Variants in THBS2 observed in about 807,000 individuals in gnomAD.
THBS2 encodes thrombospondin 2.
In THBS2, 47 loss-of-function variants were observed where a neutral mutation model predicts 135.2. That is an observed-to-expected ratio of 0.35 (90% CI 0.28 to 0.44). The LOEUF is 0.44. Ranked by LOEUF, THBS2 falls within the 20% of genes least tolerant of loss-of-function variation. The probability of loss-of-function intolerance (pLI) is 1.00; values close to 1 mark genes in which losing one functional copy is unlikely to be tolerated. For missense variants in THBS2, 1,288 were observed against 1,603.1 expected (o/e 0.80, Z 3.36); for synonymous variants, 639 against 633.8 (o/e 1.01, Z -0.12).
intron 9 of THBS2, among the ~76,000 whole-genome samples, chr6:169,235,153 C>T (rs1447278814): frequency 6.6e-6 from 1 of 152,092 alleles, no homozygotes; most frequent in African/African-American, 2.4e-5. Flanking sequence ...ATCTCTTGGC[C>T]TCCAGAAGAC....
At chr6:169,225,748 A>G (rs115691926) in intron 16 of THBS2, among the ~76,000 whole-genome samples, 2,564 of 152,312 alleles carry the variant, frequency 0.017, 73 homozygotes, top group African/African-American at 0.06. Flanking sequence ...CTGCATCAAG[A>G]TAACTGTCCT....
intron 3 of THBS2, among the ~76,000 whole-genome samples, chr6:169,248,155 GTGTT>G (rs1219858119): frequency 1.3e-5 from 2 of 151,690 alleles, no homozygotes; most frequent in Non-Finnish European, 2.9e-5. Flanking sequence ...GTGTGTTCAT[GTGTT>G]TGTGAGCATG....
At position 169,248,330 on chromosome 6, in the gene THBS2, A is replaced by T. The variant is rs2115034212; in HGVS notation, c.609+87T>A. 2.8e-6 allele frequency: 4 copies of T among 1,448,532 alleles called. No individual in the cohort carries two copies. The South Asian group carries it at 5.2e-5, about 19-fold the overall frequency. 89.7% of individuals were successfully genotyped at this position (1,448,532 alleles called of 1,614,324 possible). A position where few individuals can be genotyped will look rare whatever the true frequency, so the allele number is the denominator to read the frequency against. ...TCTAAGGCCAGGCTCTGCCTGCTCA[A>T]GCATCGCATCACCAGACGCATTAGC... On this transcript the variant is annotated intron_variant, in intron 3 of 21. Transcript: ENST00000617924.
chr6:169,235,117 C>T (rs1468006586), intron 9 of THBS2, among the ~76,000 whole-genome samples: 3 of 152,150 alleles, frequency 2.0e-5, no homozygotes, highest in Non-Finnish European at 4.4e-5. Context: ...GACTCAGAAG[C>T]CAGTGTTTCC....
chr6:169,236,526 CCA>C (rs1187630162), intron 9 of THBS2, among the ~76,000 whole-genome samples: 30 of 145,162 alleles, frequency 2.1e-4, no homozygotes, highest in Admixed American at 1.3e-3. Flanking sequence ...CACTCCCCAT[CCA>C]CACTCATTCC....
At chr6:169,233,316 G>C (rs1471073483) in intron 10 of THBS2, among the ~76,000 whole-genome samples, 8 of 150,694 alleles carry the variant, frequency 5.3e-5, no homozygotes, top group Non-Finnish European at 1.0e-4. Context: ...TACGCACCAG[G>C]TTCCACAACA....
intron 21 of THBS2, among the ~76,000 whole-genome samples, chr6:169,219,362 G>A (rs957963688): frequency 3.1e-5 from 4 of 130,484 alleles, no homozygotes; most frequent in African/African-American, 1.2e-4. Flanking sequence ...ATGGTTGGGT[G>A]AATGGATGAG....
At chr6:169,249,934 G>A (rs1293622617) in intron 2 of THBS2, among the ~76,000 whole-genome samples, 1 of 152,024 alleles carries the variant, frequency 6.6e-6, no homozygotes, top group Admixed American at 6.6e-5. Flanking sequence ...GGAGGCTGAG[G>A]CAGGAGAATG....
chr6:169,235,631 G>A (rs1039995521), intron 9 of THBS2, among the ~76,000 whole-genome samples: 2 of 151,826 alleles, frequency 1.3e-5, no homozygotes, highest in African/African-American at 2.4e-5. Context: ...GTGCATCTGC[G>A]GCATCCTCTG....
At chr6:169,246,585 G>T (rs1038969347) in intron 3 of THBS2, among the ~76,000 whole-genome samples, 2 of 152,182 alleles carry the variant, frequency 1.3e-5, no homozygotes, top group Non-Finnish European at 2.9e-5. Context: ...GTGTGTTCTG[G>T]GCATGTTCCC....
intron 21 of THBS2, among the ~76,000 whole-genome samples, chr6:169,218,795 G>GGACGA (rs1779299921): frequency 6.9e-6 from 1 of 145,864 alleles, no homozygotes; most frequent in African/African-American, 2.6e-5. Flanking sequence ...GTGGGTTGGT[G>GGACGA]GATGAGATGG....
chr6:169,220,268 G>A lies in THBS2; in HGVS notation c.3441C>T (p.Gly1147=), dbSNP rs59953407. ...AGAAGACAAATAGACCCAGCCGCCC[G>A]CCAGCGTAGGTTTGGTCATAGATAG... is the stretch of plus-strand genomic sequence containing the variant. ...SGPIYDQTYA[G]GRLGLFVFSQ... is the part of the protein sequence containing the mutation. The change falls in exon 21 of 22, where the codon GGC becomes GGT. Residue 1147 remains glycine, a synonymous_variant. Coordinates refer to ENST00000617924, the MANE Select transcript of THBS2 (RefSeq NM_003247.5). 7,058 of 1,613,866 alleles carry A rather than the reference G, an allele frequency of 4.4e-3. 281 individuals are homozygous for A. In the African/African-American group the frequency reaches 0.083, roughly 19 times the overall value.
chr6:169,225,041 T>C, intron 17 of THBS2, 104 bp downstream of exon 17: 2 of 1,171,774 alleles, frequency 1.7e-6, no homozygotes, highest in Non-Finnish European at 2.5e-6. Flanking sequence ...TTGCCCTTTT[T>C]CCAGCAGCAG....
intron 4 of THBS2, among the ~76,000 whole-genome samples, chr6:169,245,817 T>G (rs929542692): frequency 2.6e-5 from 4 of 151,158 alleles, no homozygotes; most frequent in Admixed American, 1.3e-4. Context: ...AAAGAAAACT[T>G]CTGTAAGTCA....
intron 6 of THBS2, among the ~76,000 whole-genome samples, 177 bp downstream of exon 6, chr6:169,240,275 T>A (rs1780242746): frequency 6.6e-6 from 1 of 152,214 alleles, no homozygotes; most frequent in South Asian, 2.1e-4. Flanking sequence ...ACAAAGAGGT[T>A]GATTCAAGTC....
In THBS2 at chr6:169,225,352, C is replaced by A. The variant is rs763411849; in HGVS notation, c.2566G>T (p.Asp856Tyr). 8.3e-6 allele frequency: 13 copies of A among 1,559,004 alleles called. No homozygotes were observed. Among genetic ancestry groups the A allele is most frequent in the Admixed American group, 7.8e-5 (4 of 51,412 alleles). Residue 856 changes from aspartate (D) to tyrosine (Y), a missense_variant, in exon 17 of 22, where the codon GAC becomes TAC. By Grantham distance (160) the Asp-to-Tyr change is radical (BLOSUM62 -3). Coordinates refer to ENST00000617924, the MANE Select transcript of THBS2 (RefSeq NM_003247.5). Reference sequence around the variant, plus strand: ...ATGTCCTCGTTGTTGTCACACTGGTCCCCAACAAGGTCATTGTCCACGTCG... The same window carrying A: ...ATGTCCTCGTTGTTGTCACACTGGTACCCAACAAGGTCATTGTCCACGTCG... ...QTDVDNDLVG[D>Y]QCDNNEDIDD...
chr6:169,239,526 C>A (rs766134784), intron 7 of THBS2, 73 bp downstream of exon 7: 72 of 1,429,720 alleles, frequency 5.0e-5, no homozygotes, highest in Non-Finnish European at 6.8e-5. Context: ...CAAAACCAAC[C>A]AATGAATAAA....
intron 9 of THBS2, among the ~76,000 whole-genome samples, chr6:169,236,657 C>G (rs1215901946): frequency 6.9e-6 from 1 of 145,172 alleles, no homozygotes; most frequent in Non-Finnish European, 1.5e-5. Flanking sequence ...CATCCACACT[C>G]ACTCCCATCC....
At chr6:169,234,518 C>T (rs528982373) in intron 10 of THBS2, 2 of 527,510 alleles carry the variant, frequency 3.8e-6, no homozygotes, top group African/African-American at 3.9e-5. Flanking sequence ...CACAACTACC[C>T]ACATTCCACA....
Sources: allele counts gnomAD v4.1 joint callset (sites outside exome capture counted in the v4.1 genomes callset), GRCh38; gene constraint gnomAD v4.1.1; transcripts MANE v1.5; gene names NCBI Gene and HGNC (gene_info 2026-07-23, HGNC 2026-07-21).